The following HTR1F variants were observed in gnomAD, a reference collection of about 807,000 sequenced individuals.
HTR1F encodes the protein 5-hydroxytryptamine (serotonin) receptor 1F, G protein-coupled.
In HTR1F, 17 loss-of-function variants were observed where a neutral mutation model predicts 24.0. The ratio of observed to expected loss-of-function variants is 0.71; its 90% CI spans 0.48 to 1.06. The LOEUF is 1.06. Ranked by LOEUF, HTR1F falls within the 50% of genes least tolerant of loss-of-function variation. The pLI, the probability that HTR1F is intolerant of heterozygous loss-of-function variation, is 0.00. For missense variants in HTR1F, 391 were observed against 427.8 expected (o/e 0.91, Z 0.76); for synonymous variants, 186 against 156.8 (o/e 1.19, Z -1.39).
intron 2 of HTR1F, among the ~76,000 whole-genome samples, chr3:87,936,471 A>T: frequency 6.6e-6 from 1 of 152,340 alleles, no homozygotes; most frequent in South Asian, 2.1e-4. Context: ...GTTATTAACC[A>T]CATTGCAGAA....
At chr3:87,902,594 T>C (rs562146847) in intron 2 of HTR1F, among the ~76,000 whole-genome samples, 1 of 152,128 alleles carries the variant, frequency 6.6e-6, no homozygotes, top group Non-Finnish European at 1.5e-5. Context: ...TTTGTTTCTT[T>C]TTTTTATTTT....
At chr3:87,950,694 A>G (rs1356767696) in intron 2 of HTR1F, among the ~76,000 whole-genome samples, 1 of 152,192 alleles carries the variant, frequency 6.6e-6, no homozygotes, top group African/African-American at 2.4e-5. Context: ...GGGAAGAGGA[A>G]AGGGGAGCTT....
intron 2 of HTR1F, among the ~76,000 whole-genome samples, chr3:87,907,389 A>AT (rs569262465): frequency 4.7e-4 from 69 of 146,632 alleles, no homozygotes; most frequent in South Asian, 2.1e-4. Context: ...TTTTTTGCTG[A>AT]TTTTTTTTAG....
At chr3:87,795,967 AC>A (rs1192665157) in intron 1 of HTR1F, among the ~76,000 whole-genome samples, 1 of 152,216 alleles carries the variant, frequency 6.6e-6, no homozygotes, top group Admixed American at 6.5e-5. Context: ...TGTCCATTTA[AC>A]CCAGGGTACA....
At chr3:87,806,957 C>A (rs1704083725) in intron 1 of HTR1F, among the ~76,000 whole-genome samples, 1 of 151,930 alleles carries the variant, frequency 6.6e-6, no homozygotes, top group South Asian at 2.1e-4. Flanking sequence ...AGATTTATTT[C>A]TGGGTTCTGT....
At chr3:87,861,487 C>A (rs1022622197) in intron 2 of HTR1F, among the ~76,000 whole-genome samples, 1 of 152,122 alleles carries the variant, frequency 6.6e-6, no homozygotes, top group African/African-American at 2.4e-5. Context: ...TATGCTTTTA[C>A]AAGGACTGTA....
At chr3:87,932,038 C>T (rs1366330443) in intron 2 of HTR1F, among the ~76,000 whole-genome samples, 1 of 152,132 alleles carries the variant, frequency 6.6e-6, no homozygotes, top group Non-Finnish European at 1.5e-5. Context: ...TGCAGAAGCT[C>T]TCTAGTTTAA....
intron 2 of HTR1F, among the ~76,000 whole-genome samples, chr3:87,938,739 C>T (rs144969497): frequency 1.7e-4 from 26 of 152,166 alleles, no homozygotes; most frequent in Admixed American, 4.6e-4. Context: ...TAGCCATATG[C>T]GGAAGATTGA....
intron 2 of HTR1F, among the ~76,000 whole-genome samples, chr3:87,981,437 T>C (rs1705541546): frequency 2.0e-5 from 3 of 152,176 alleles, no homozygotes. Context: ...TCAAGCAATC[T>C]GCCCACCTCA....
intron 2 of HTR1F, among the ~76,000 whole-genome samples, chr3:87,942,037 T>G (rs1704581066): frequency 6.6e-6 from 1 of 152,074 alleles, no homozygotes; most frequent in African/African-American, 2.4e-5. Flanking sequence ...TTAGTTCAAC[T>G]TGAACAAGAT....
rs143705294 is a variant in HTR1F at position 87,907,716 on chromosome 3, C to T, written c.-42-82992C>T. On this transcript the variant is annotated intron_variant, in intron 2 of 2. Transcript: ENST00000319595. ...GCTTAAAGGAATAAAGTAAATATTA[C>T]TTAAATAGACTGGAGGCAATAGAGT... 3.7e-3 allele frequency among the ~76,000 whole-genome samples: 563 copies of T among 151,846 alleles called. 6 individuals carry two copies. Among genetic ancestry groups the T allele is most frequent in the African/African-American group, 0.013 (536 of 41,450 alleles).
At chr3:87,856,484 A>G (rs2107219093) in intron 2 of HTR1F, among the ~76,000 whole-genome samples, 1 of 152,220 alleles carries the variant, frequency 6.6e-6, no homozygotes, top group South Asian at 2.1e-4. Flanking sequence ...AGAAGTAAAT[A>G]TATTTGAACA....
At chr3:87,924,488 T>A (rs1704080042) in intron 2 of HTR1F, among the ~76,000 whole-genome samples, 1 of 152,160 alleles carries the variant, frequency 6.6e-6, no homozygotes, top group Non-Finnish European at 1.5e-5. Flanking sequence ...TCTCATGTGT[T>A]TTCATGATGG....
At chr3:87,835,478 G>A (rs1273652202) in intron 2 of HTR1F, among the ~76,000 whole-genome samples, 25 of 152,138 alleles carry the variant, frequency 1.6e-4, no homozygotes, top group Non-Finnish European at 8.8e-5. Flanking sequence ...ATATGATGCC[G>A]TCACAAGTTA....
intron 2 of HTR1F, among the ~76,000 whole-genome samples, chr3:87,829,179 G>C (rs899100123): frequency 6.6e-6 from 1 of 152,062 alleles, no homozygotes. Flanking sequence ...CCTTTTCAAA[G>C]AGAAAAGAAC....
intron 1 of HTR1F, among the ~76,000 whole-genome samples, chr3:87,803,833 A>G (rs1704032011): frequency 6.6e-6 from 1 of 152,174 alleles, no homozygotes; most frequent in Admixed American, 6.6e-5. Context: ...GATCATTTTT[A>G]CAGTTTCATT....
intron 2 of HTR1F, among the ~76,000 whole-genome samples, chr3:87,912,619 C>A (rs1278646521): frequency 3.0e-5 from 4 of 132,144 alleles, no homozygotes; most frequent in Non-Finnish European, 4.7e-5. Flanking sequence ...CTGAATAGCC[C>A]AGGCAATCCT....
chr3:87,969,721 T>A (rs573972318), intron 2 of HTR1F, among the ~76,000 whole-genome samples: 1 of 152,118 alleles, frequency 6.6e-6, no homozygotes, highest in South Asian at 2.1e-4. Context: ...TGAGAAGGCA[T>A]GATTGGTTTT....
At chr3:87,968,161 G>A (rs1705207044) in intron 2 of HTR1F, among the ~76,000 whole-genome samples, 1 of 152,138 alleles carries the variant, frequency 6.6e-6, no homozygotes, top group Non-Finnish European at 1.5e-5. Flanking sequence ...CTGCCCTAGA[G>A]ATTTGTGGAA....
Sources: gnomAD v4.1 joint callset for allele counts (sites outside exome capture counted in the v4.1 genomes callset) on GRCh38, gnomAD v4.1.1 for gene constraint, MANE v1.5 for transcripts, NCBI Gene and HGNC (gene_info 2026-07-23, HGNC 2026-07-21) for gene names.